IFI27L2: variants seen among roughly 807,000 people sequenced by gnomAD.
IFI27L2 encodes the protein interferon alpha-inducible protein 27-like protein 2.
IFI27L2 carries 8 observed loss-of-function variants against 7.9 expected under a neutral mutation model. The ratio of observed to expected loss-of-function variants is 1.02; its 90% CI spans 0.60 to 1.84. The LOEUF is 1.84. Ranked by LOEUF, IFI27L2 falls within the 40% of genes most tolerant of loss-of-function variation. IFI27L2 has a pLI of 0.00. For missense variants in IFI27L2, 190 were observed against 165.8 expected (o/e 1.15, Z -0.80); for synonymous variants, 56 against 66.5 (o/e 0.84, Z 0.77).
At chr14:94,129,490 C>T in intron 1 of IFI27L2, 68 bp downstream of exon 1, 1 of 1,475,102 alleles carries the variant, frequency 6.8e-7, no homozygotes, top group Non-Finnish European at 9.5e-7. Flanking sequence ...CCTGTCCCTT[C>T]CTGGGCTGGG....
chr14:94,128,796 T>G, intron 2 of IFI27L2, 121 bp from the exon 3 acceptor site: 1 of 768,722 alleles, frequency 1.3e-6, no homozygotes, highest in Admixed American at 2.8e-5. Flanking sequence ...AATACAGAGA[T>G]GGCAACTTAG....
At chr14:94,129,052 A>G in intron 2 of IFI27L2, 1 of 586,212 alleles carries the variant, frequency 1.7e-6, no homozygotes. Flanking sequence ...TCCTATGCTT[A>G]TTCGACATAA....
rs1887648676 is a variant in IFI27L2 at position 94,129,589 on chromosome 14, T to C, written c.-25A>G. On this transcript the variant is annotated 5_prime_UTR_variant, in exon 1 of 4. Transcript: ENST00000238609. ...TGGTGAGGCCGTCCGGGTCCCAACT[T>C]GGCCCAGGAAATGACAGCGTTCTTG... is the stretch of plus-strand genomic sequence containing the variant. The C allele has an allele frequency of 3.1e-6, 5 of 1,613,100 alleles. No homozygotes were observed. The highest frequency in any genetic ancestry group is 3.4e-6 in the Non-Finnish European group (4 of 1,179,408).
chr14:94,128,725 C>T (rs1887630979), intron 2 of IFI27L2, 50 bp from the exon 3 acceptor site: 1 of 1,495,156 alleles, frequency 6.7e-7, no homozygotes, highest in Non-Finnish European at 9.1e-7. Context: ...GAGAAGGGAC[C>T]CTTCCCCCCG....
intron 2 of IFI27L2, 43 bp from the exon 3 acceptor site, chr14:94,128,718 AAG>A (rs756562214): frequency 6.5e-7 from 1 of 1,537,976 alleles, no homozygotes; most frequent in Non-Finnish European, 8.8e-7. Flanking sequence ...GGCTCAGGAG[AAG>A]GGACCCTTCC....
At chr14:94,129,210 C>A in intron 2 of IFI27L2, 52 bp downstream of exon 2, 1 of 1,509,414 alleles carries the variant, frequency 6.6e-7, no homozygotes, top group Non-Finnish European at 9.2e-7. Context: ...TCCCAGCAGC[C>A]CGGGGACCAG....
At position 94,127,990 on chromosome 14, in the gene IFI27L2, C is replaced by T. The variant is rs142288638; in HGVS notation, c.202G>A (p.Ala68Thr). The change falls in exon 4 of 4, where the codon GCA becomes ACA. Residue 68 changes from alanine to threonine, a missense_variant and splice_region_variant. Coordinates refer to ENST00000238609, the MANE Select transcript of IFI27L2 (RefSeq NM_032036.3). ...TTGGATGATGTGGAGAGTCCAGCTG[C>T]CCCTGTGGAGGAGACAGAGAATGAG... The part of the protein sequence containing the change: ...SLVATLQSVG[A>T]AGLSTSSNIL... The T allele has an allele frequency of 2.5e-6, 4 of 1,609,994 alleles. No homozygotes were observed. Among genetic ancestry groups the T allele is most frequent in the African/African-American group, 2.7e-5 (2 of 74,798 alleles).
In IFI27L2 at chr14:94,129,543, G is replaced by C. The variant is rs1455276473; in HGVS notation, c.7+15C>G. ...CCAGCCCAGCCCGCCAGCCCCCTGGGGAAGCAAGACTCACTCATCATGGTG... is the reference window on the plus strand; with the variant it reads ...CCAGCCCAGCCCGCCAGCCCCCTGGCGAAGCAAGACTCACTCATCATGGTG... On this transcript the variant is annotated intron_variant, in intron 1 of 3. Transcript: ENST00000238609. The C allele has an allele frequency of 6.2e-7, 1 of 1,613,312 alleles. No homozygotes were observed. The highest frequency in any genetic ancestry group is 1.3e-5 in the African/African-American group (1 of 74,922).
At chr14:94,128,917 A>G (rs528125544) in intron 2 of IFI27L2, 2 of 589,858 alleles carry the variant, frequency 3.4e-6, no homozygotes, top group Non-Finnish European at 6.0e-6. Context: ...GATGCTGAGG[A>G]AGTCAATACC....
Position 94,129,250 on chromosome 14 carries a change from C to G in IFI27L2, c.37+12G>C. On this transcript the variant is annotated intron_variant, in intron 2 of 3. Transcript: ENST00000238609. ...GGTGAGGGCCTGGAGACAGGCGATC[C>G]GGGTAACTTACCTCCTCCCACTGCA... 1.2e-6 allele frequency: 2 copies of G among 1,611,170 alleles called. No individual in the cohort carries two copies. Among genetic ancestry groups the G allele is most frequent in the Non-Finnish European group, 8.5e-7 (1 of 1,178,002 alleles).
chr14:94,129,521 G>C, intron 1 of IFI27L2, 37 bp downstream of exon 1: 1 of 1,601,050 alleles, frequency 6.2e-7, no homozygotes, highest in Non-Finnish European at 8.5e-7. Flanking sequence ...CCTGCCCCCA[G>C]CCCAGCCCGC....
Position 94,129,540 on chromosome 14 carries a change from T to C in IFI27L2, c.7+18A>G. 6.2e-7 allele frequency: 1 copy of C among 1,612,320 alleles called. No homozygotes were observed. Among genetic ancestry groups the C allele is most frequent in the Non-Finnish European group, 8.5e-7 (1 of 1,178,846 alleles). On this transcript the variant is annotated intron_variant, in intron 1 of 3. Transcript: ENST00000238609. ...CCCCCAGCCCAGCCCGCCAGCCCCC[T>C]GGGGAAGCAAGACTCACTCATCATG...
intron 3 of IFI27L2, 141 bp from the exon 4 acceptor site, chr14:94,128,133 G>A (rs1838832185): frequency 1.6e-6 from 1 of 621,078 alleles, no homozygotes; most frequent in Non-Finnish European, 2.9e-6. Context: ...CAGCTCAGGG[G>A]TGAATTCACG....
rs1270218156 is a variant in IFI27L2, at chr14:94,127,920, C to T, written c.272G>A (p.Gly91Glu). ...TGGGAGAGAAGAAGAAGGTGAATTC[C>T]CCAAGCAGGCCCCCAACACTGACCC... ...SVGSVLGACL[G>E]NSPSSSLPAE... Residue 91 changes from glycine (G) to glutamate (E), a missense_variant, in exon 4 of 4, where the codon GGG becomes GAG. Transcript: ENST00000238609. 1.2e-6 allele frequency: 2 copies of T among 1,613,668 alleles called. No individual in the cohort carries two copies. Among genetic ancestry groups the T allele is most frequent in the Admixed American group, 1.7e-5 (1 of 59,990 alleles).
chr14:94,129,174 C>T, intron 2 of IFI27L2, 88 bp downstream of exon 2: 7 of 1,063,264 alleles, frequency 6.6e-6, no homozygotes, highest in South Asian at 2.8e-5. Flanking sequence ...GGGTGAGAGC[C>T]AGCCCAGCGC....
chr14:94,128,730 C>T lies in IFI27L2; in HGVS notation c.38-55G>A. The T allele has an allele frequency of 3.5e-6, 5 of 1,421,894 alleles. No homozygotes were observed. The South Asian group carries it at 3.7e-5, about 10-fold the overall frequency. The allele number at this position is 1,421,894 out of a possible 1,614,324, so 88.1% of individuals were successfully genotyped here. On this transcript the variant is annotated intron_variant, in intron 2 of 3. Coordinates refer to ENST00000238609, the MANE Select transcript of IFI27L2 (RefSeq NM_032036.3). ...GTGGGCTCAGGAGAAGGGACCCTTC[C>T]CCCCGCCCCCCGCTTAGGAATTCCT... is the stretch of plus-strand genomic sequence containing the variant.
intron 2 of IFI27L2, chr14:94,128,876 A>G: frequency 1.7e-6 from 1 of 603,044 alleles, no homozygotes; most frequent in Non-Finnish European, 2.9e-6. Context: ...AGGACCAGCC[A>G]TGGCCCTGGT....
chr14:94,129,443 G>A (rs1446686244), intron 1 of IFI27L2, 115 bp downstream of exon 1: 1 of 1,174,262 alleles, frequency 8.5e-7, no homozygotes, highest in African/African-American at 1.5e-5. Flanking sequence ...GAGTCAGTAG[G>A]TCAGCTGGTT....
rs953735892 is a variant in IFI27L2, at chr14:94,129,169, A to T, written c.37+93T>A. 9 of 990,490 alleles carry T rather than the reference A, an allele frequency of 9.1e-6. No homozygotes were observed. The African/African-American group carries it at 1.5e-4, about 16-fold the overall frequency. 61.4% of individuals were successfully genotyped at this position (990,490 alleles called of 1,614,324 possible). A position where few individuals can be genotyped will look rare whatever the true frequency, so the allele number is the denominator to read the frequency against. On this transcript the variant is annotated intron_variant, in intron 2 of 3. Transcript: ENST00000238609. Reference sequence around the variant, plus strand: ...CGGGCAGCTTCGGAAGTGGAGGGTGAGAGCCAGCCCAGCGCCTCATCTCTG... The same window carrying T: ...CGGGCAGCTTCGGAAGTGGAGGGTGTGAGCCAGCCCAGCGCCTCATCTCTG...
Sources: allele counts gnomAD v4.1 joint callset, GRCh38; gene constraint gnomAD v4.1.1; transcripts MANE v1.5; gene names NCBI Gene and HGNC (gene_info 2026-07-23, HGNC 2026-07-21).